The following ANGEL1 variants were observed in gnomAD, a reference collection of about 807,000 sequenced individuals.
ANGEL1 encodes angel homolog 1, also known as RNA 2',3'-cyclic phosphatase ANGEL1.
A neutral mutation model predicts 76.4 loss-of-function variants in ANGEL1; 62 were observed. The ratio of observed to expected loss-of-function variants is 0.81; its 90% CI spans 0.66 to 1.00. The LOEUF (loss-of-function observed/expected upper bound fraction) is 1.00, where lower values mean the gene tolerates loss of function less well. ANGEL1 is among the 50% of genes least tolerant of loss of function. The probability of loss-of-function intolerance (pLI) is 0.00; values close to 1 mark genes in which losing one functional copy is unlikely to be tolerated. For synonymous variants in ANGEL1, 340 were observed against 331.7 expected, an observed-to-expected ratio of 1.03 and a Z score of -0.27; for missense variants, 737 against 836.7, an observed-to-expected ratio of 0.88 and a Z score of 1.47.
chr14:76,810,704 A>G lies in ANGEL1; in HGVS notation c.65-1061T>C, dbSNP rs141919542. On this transcript the variant is annotated intron_variant, in intron 1 of 9. Transcript: ENST00000251089. ...AACACATCAGAGGCTATAAATTACA[A>G]GGTGCCAACAATCGACAGTAAGAGA... Among the ~76,000 whole-genome samples, 1,244 of 152,342 alleles carry G rather than the reference A, an allele frequency of 8.2e-3. 11 individuals are homozygous for G. Among genetic ancestry groups the G allele is most frequent in the African/African-American group, 0.029 (1,187 of 41,580 alleles).
At chr14:76,811,138 C>T (rs1225971242) in intron 1 of ANGEL1, among the ~76,000 whole-genome samples, 1 of 152,232 alleles carries the variant, frequency 6.6e-6, no homozygotes, top group Non-Finnish European at 1.5e-5. Context: ...TTGCTACTGG[C>T]ATCTAGTGGT....
chr14:76,812,627 C>T (rs1237264757), intron 1 of ANGEL1, 137 bp downstream of exon 1: 3 of 1,321,078 alleles, frequency 2.3e-6, no homozygotes, highest in South Asian at 2.0e-5. Flanking sequence ...GGCTCAGGAC[C>T]GCCTCCCTAC....
At chr14:76,809,910 T>A (rs1036794377) in intron 1 of ANGEL1, among the ~76,000 whole-genome samples, 8 of 152,378 alleles carry the variant, frequency 5.3e-5, no homozygotes, top group Non-Finnish European at 1.0e-4. Context: ...AAAGAACAGC[T>A]GTCTCACATA....
At chr14:76,791,402 CACAG>C (rs768201400) in intron 7 of ANGEL1, 36 bp from the exon 8 acceptor site, 11 of 1,595,466 alleles carry the variant, frequency 6.9e-6, no homozygotes, top group Non-Finnish European at 9.5e-6. Flanking sequence ...TTTTCTCATC[CACAG>C]ACAGTGAAGC....
intron 5 of ANGEL1, 79 bp from the exon 6 acceptor site, chr14:76,803,991 GACAAATACAA>G (rs751808698): frequency 1.2e-6 from 2 of 1,613,306 alleles, no homozygotes; most frequent in South Asian, 2.2e-5. Flanking sequence ...GGGACATGTG[GACAAATACAA>G]ACACATACAA....
intron 5 of ANGEL1, chr14:76,804,115 T>C (rs1894846302): frequency 2.8e-6 from 4 of 1,449,190 alleles, no homozygotes; most frequent in Admixed American, 2.6e-5. Flanking sequence ...AACACTGAAA[T>C]GTCCATGAAA....
chr14:76,806,620 A>G lies in ANGEL1; in HGVS notation c.1176T>C (p.His392=). 6.2e-7 allele frequency: 1 copy of G among 1,614,118 alleles called. No individual in the cohort carries two copies. Among genetic ancestry groups the G allele is most frequent in the Non-Finnish European group, 8.5e-7 (1 of 1,180,008 alleles). ...SVAPLCVANT[H]ILYNPRRGDV... is the part of the protein sequence containing the mutation. ...CGCCCCGGCGTGGGTTGTAAAGGAT[A>G]TGGGTATTTGCCACACACAGCGGGG... The change falls in exon 5 of 10, where the codon CAT becomes CAC. Residue 392 remains histidine (H), a synonymous_variant. Transcript: ENST00000251089.
chr14:76,811,261 A>C (rs994159553), intron 1 of ANGEL1, among the ~76,000 whole-genome samples: 1 of 152,098 alleles, frequency 6.6e-6, no homozygotes, highest in African/African-American at 2.4e-5. Flanking sequence ...CTCTAAACCT[A>C]TGTATGGGCT....
rs1365574534 is a variant in ANGEL1, at chr14:76,786,481, A to G, written c.*2747T>C. On this transcript the variant is annotated 3_prime_UTR_variant, in exon 10 of 10. Transcript: ENST00000251089. ...CCGGCCGCTAAGTTTTCTTTTTACT[A>G]AATCAATTGAGGGGATCGCAACCCA... 6.6e-6 allele frequency: 1 copy of G among 152,132 alleles called. No homozygotes were observed. Among genetic ancestry groups the G allele is most frequent in the Non-Finnish European group, 1.5e-5 (1 of 68,066 alleles). The allele number at this position is 152,132 out of a possible 1,614,324, so 9.4% of individuals were successfully genotyped here.
intron 7 of ANGEL1, among the ~76,000 whole-genome samples, chr14:76,794,027 C>G (rs1489156106): frequency 6.6e-6 from 1 of 151,936 alleles, no homozygotes; most frequent in Non-Finnish European, 1.5e-5. Flanking sequence ...ACTATAGTAA[C>G]CAAGACAGTG....
At chr14:76,805,607 G>A (rs1444935363) in intron 5 of ANGEL1, among the ~76,000 whole-genome samples, 1 of 152,144 alleles carries the variant, frequency 6.6e-6, no homozygotes, top group Non-Finnish European at 1.5e-5. Context: ...AAACTACGAG[G>A]TGTTTGTCAT....
intron 4 of ANGEL1, 118 bp from the exon 5 acceptor site, chr14:76,806,967 A>G: frequency 8.5e-7 from 1 of 1,182,572 alleles, no homozygotes; most frequent in Non-Finnish European, 1.2e-6. Flanking sequence ...TACTCAGTAA[A>G]GGAGCCTTTG....
chr14:76,790,030 A>AT (rs1292839056), intron 9 of ANGEL1, among the ~76,000 whole-genome samples: 1 of 151,868 alleles, frequency 6.6e-6, no homozygotes, highest in African/African-American at 2.4e-5. Context: ...CACCCGGCTA[A>AT]TTTTTTGTAT....
intron 5 of ANGEL1, chr14:76,804,258 C>A: frequency 7.4e-7 from 1 of 1,351,664 alleles, no homozygotes; most frequent in Non-Finnish European, 9.5e-7. Context: ...CTTTAAGTTG[C>A]AATGGTTAAA....
Position 76,812,420 on chromosome 14 carries a change from C to T in ANGEL1, c.64+344G>A, listed in dbSNP as rs114033479. ...TCCGAGCTACTACCCCTTCCCGACCCGCCGGGGTGCTGACTTGGCCGACCC... is the reference window on the plus strand; with the variant it reads ...TCCGAGCTACTACCCCTTCCCGACCTGCCGGGGTGCTGACTTGGCCGACCC... On this transcript the variant is annotated intron_variant, in intron 1 of 9. Coordinates refer to ENST00000251089, the MANE Select transcript of ANGEL1 (RefSeq NM_015305.4). 8,479 of 1,123,060 alleles carry T rather than the reference C, an allele frequency of 7.5e-3. 503 individuals are homozygous for T. In the African/African-American group the frequency reaches 0.12, roughly 16 times the overall value. 69.6% of individuals were successfully genotyped at this position (1,123,060 alleles called of 1,614,324 possible). A position where few individuals can be genotyped will look rare whatever the true frequency, so the allele number is the denominator to read the frequency against.
At chr14:76,800,696 T>C (rs57743379) in intron 7 of ANGEL1, among the ~76,000 whole-genome samples, 8,621 of 152,272 alleles carry the variant, frequency 0.057, 275 homozygotes, top group African/African-American at 0.077. Context: ...GTCTTCTGAG[T>C]GCACTGGCTC....
chr14:76,806,348 A>G lies in ANGEL1; in HGVS notation c.1380+68T>C, dbSNP rs1022240183. The stretch of plus-strand genomic sequence containing the variant: ...CTGAGGTCCCTGCCACAGAAGAAGC[A>G]CTGATGCTAACGCCTGAATCTCTCT... On this transcript the variant is annotated intron_variant, in intron 5 of 9. Coordinates refer to ENST00000251089, the MANE Select transcript of ANGEL1 (RefSeq NM_015305.4). 2.0e-5 allele frequency: 31 copies of G among 1,514,956 alleles called. No individual in the cohort carries two copies. The South Asian group carries it at 4.0e-4, about 20-fold the overall frequency. The allele number at this position is 1,514,956 out of a possible 1,614,324, so 93.8% of individuals were successfully genotyped here.
intron 7 of ANGEL1, among the ~76,000 whole-genome samples, chr14:76,795,036 A>G (rs1245484075): frequency 2.6e-5 from 4 of 152,168 alleles, no homozygotes; most frequent in Non-Finnish European, 5.9e-5. Context: ...AAACACAGTT[A>G]AATTATGATA....
intron 3 of ANGEL1, 144 bp downstream of exon 3, chr14:76,807,778 A>T: frequency 1.1e-6 from 1 of 885,478 alleles, no homozygotes; most frequent in Non-Finnish European, 1.7e-6. Context: ...CCAACAACTC[A>T]CTGACACCAG....
Sources: gnomAD v4.1 joint callset for allele counts (sites outside exome capture counted in the v4.1 genomes callset) on GRCh38, gnomAD v4.1.1 for gene constraint, MANE v1.5 for transcripts, NCBI Gene and HGNC (gene_info 2026-07-23, HGNC 2026-07-21) for gene names.